NTM: variants seen among roughly 807,000 people sequenced by gnomAD.
NTM encodes IgLON family member 2.
Under a neutral mutation model 42.1 loss-of-function variants are expected in NTM, and 13 were observed. The observed-to-expected ratio is 0.31, with a 90% confidence interval of 0.20 to 0.49. The LOEUF is 0.49. NTM is among the 20% of genes least tolerant of loss of function. The pLI, the probability that NTM is intolerant of heterozygous loss-of-function variation, is 0.99. For synonymous variants in NTM, 187 were observed against 179.2 expected (o/e 1.04, Z -0.35); for missense variants, 373 against 452.8 (o/e 0.82, Z 1.60).
intron 4 of NTM, among the ~76,000 whole-genome samples, chr11:132,231,480 G>C (rs1255481659): frequency 2.0e-5 from 3 of 152,120 alleles, no homozygotes; most frequent in Non-Finnish European, 4.4e-5. Flanking sequence ...ACAATTAGCA[G>C]CCTCCAATTT....
chr11:132,081,002 A>C (rs1044509207), intron 2 of NTM, among the ~76,000 whole-genome samples: 1 of 152,220 alleles, frequency 6.6e-6, no homozygotes, highest in Non-Finnish European at 1.5e-5. Flanking sequence ...AACATAGTTG[A>C]AGGGAGAAGT....
At chr11:131,936,201 G>A (rs142935294) in intron 2 of NTM, among the ~76,000 whole-genome samples, 368 of 152,230 alleles carry the variant, frequency 2.4e-3, no homozygotes, top group African/African-American at 8.4e-3. Context: ...TGTCATTAAC[G>A]TTGGTTAAAA....
At position 132,179,708 on chromosome 11, in the gene NTM, C is replaced by T. The variant is rs146362985; in HGVS notation, c.401-32314C>T. 3.9e-5 allele frequency among the ~76,000 whole-genome samples: 6 copies of T among 152,214 alleles called. No individual in the cohort carries two copies. In the East Asian group the frequency reaches 7.7e-4, roughly 20 times the overall value. On this transcript the variant is annotated intron_variant, in intron 3 of 8. Transcript: ENST00000683400. ...AATTCAGGGGAACAGTGTGGATGGC[C>T]TAAATGTAGATAATTAGCCTTGATG...
At chr11:132,075,436 A>G (rs2058237362) in intron 2 of NTM, among the ~76,000 whole-genome samples, 1 of 152,146 alleles carries the variant, frequency 6.6e-6, no homozygotes, top group Non-Finnish European at 1.5e-5. Context: ...TCCTACATAC[A>G]TTTGCTCTAG....
intron 1 of NTM, among the ~76,000 whole-genome samples, chr11:131,599,659 G>T (rs752629302): frequency 2.0e-5 from 3 of 152,230 alleles, no homozygotes; most frequent in Non-Finnish European, 4.4e-5. Context: ...GAGAGAACCT[G>T]CCCCTCCCTC....
Position 131,911,760 on chromosome 11 carries a change from G to A in NTM, c.167+112G>A, listed in dbSNP as rs906587662. 3.0e-6 allele frequency: 4 copies of A among 1,352,324 alleles called. No individual in the cohort carries two copies. In the Admixed American group the frequency reaches 7.0e-5, roughly 24 times the overall value. 83.8% of individuals were successfully genotyped at this position (1,352,324 alleles called of 1,614,324 possible). On this transcript the variant is annotated intron_variant, in intron 2 of 8. Transcript: ENST00000683400. Reference sequence around the variant, plus strand: ...GCCTGGGTTGGCGGAGAGGTCGCTGGTTCCCTGGGCTGCACAATTTATGGC... The same window carrying A: ...GCCTGGGTTGGCGGAGAGGTCGCTGATTCCCTGGGCTGCACAATTTATGGC...
chr11:131,752,787 C>T (rs1389974288), intron 1 of NTM, among the ~76,000 whole-genome samples: 1 of 108,750 alleles, frequency 9.2e-6, no homozygotes, highest in South Asian at 3.2e-4. Flanking sequence ...CCACAAAAAC[C>T]CTAGAAGAAA....
intron 2 of NTM, among the ~76,000 whole-genome samples, chr11:132,098,466 G>T (rs896205781): frequency 6.6e-6 from 1 of 152,224 alleles, no homozygotes; most frequent in East Asian, 1.9e-4. Context: ...GGCCACCTCT[G>T]TGCATGCTTC....
chr11:132,314,257 G>T (rs992778322), intron 6 of NTM, among the ~76,000 whole-genome samples: 1 of 152,180 alleles, frequency 6.6e-6, no homozygotes. Flanking sequence ...CAGCTGGCAG[G>T]GGTTATTTGT....
intron 3 of NTM, among the ~76,000 whole-genome samples, chr11:132,179,143 A>G (rs2077200527): frequency 6.6e-6 from 1 of 152,230 alleles, no homozygotes; most frequent in Non-Finnish European, 1.5e-5. Flanking sequence ...AATATAACAC[A>G]ATGAACTGCT....
chr11:131,491,043 A>G (rs1323572702), intron 1 of NTM, among the ~76,000 whole-genome samples: 1 of 152,182 alleles, frequency 6.6e-6, no homozygotes, highest in Non-Finnish European at 1.5e-5. Flanking sequence ...AGTATTGGGG[A>G]TATGTGAAGA....
chr11:131,459,198 C>T (rs921203), intron 1 of NTM, among the ~76,000 whole-genome samples: 9,254 of 152,318 alleles, frequency 0.061, 655 homozygotes, highest in East Asian at 0.21. Flanking sequence ...GGACCTACTG[C>T]GTCCAGGGGC....
At chr11:131,479,022 C>G (rs12577076) in intron 1 of NTM, among the ~76,000 whole-genome samples, 1 of 152,066 alleles carries the variant, frequency 6.6e-6, no homozygotes, top group African/African-American at 2.4e-5. Flanking sequence ...GTGCCCCGCA[C>G]GCCACCTTGC....
At chr11:131,816,617 G>A (rs143415790) in intron 1 of NTM, among the ~76,000 whole-genome samples, 50 of 151,894 alleles carry the variant, frequency 3.3e-4, no homozygotes, top group African/African-American at 1.2e-3. Flanking sequence ...CCTGAGTCTT[G>A]GAGACCTGTC....
At chr11:131,944,382 C>T (rs1285443352) in intron 2 of NTM, among the ~76,000 whole-genome samples, 1 of 152,184 alleles carries the variant, frequency 6.6e-6, no homozygotes, top group Non-Finnish European at 1.5e-5. Context: ...CCCAGTTTTG[C>T]AGGAGGGGGC....
intron 2 of NTM, among the ~76,000 whole-genome samples, chr11:132,006,697 T>C (rs1395973924): frequency 6.6e-6 from 1 of 152,218 alleles, no homozygotes; most frequent in East Asian, 1.9e-4. Context: ...ATCAGGGATA[T>C]AACTAGGAAT....
intron 4 of NTM, among the ~76,000 whole-genome samples, chr11:132,219,733 G>A (rs528538412): frequency 4.4e-4 from 67 of 151,976 alleles, no homozygotes; most frequent in South Asian, 2.1e-3. Flanking sequence ...GATTAAACAC[G>A]TGCACCAATG....
At chr11:131,925,818 G>A (rs958041679) in intron 2 of NTM, among the ~76,000 whole-genome samples, 1 of 152,162 alleles carries the variant, frequency 6.6e-6, no homozygotes, top group African/African-American at 2.4e-5. Flanking sequence ...TACAAGGAAT[G>A]GAGGCAATGC....
chr11:131,837,610 G>C (rs1406121578), intron 1 of NTM, among the ~76,000 whole-genome samples: 1 of 152,134 alleles, frequency 6.6e-6, no homozygotes, highest in African/African-American at 2.4e-5. Context: ...ATTTGGCCTG[G>C]GTGGTCCCGG....
Sources: gnomAD v4.1 joint callset for allele counts (sites outside exome capture counted in the v4.1 genomes callset) on GRCh38, gnomAD v4.1.1 for gene constraint, MANE v1.5 for transcripts, NCBI Gene and HGNC (gene_info 2026-07-23, HGNC 2026-07-21) for gene names.